TP53BP1: variants seen among roughly 807,000 people sequenced by gnomAD.
TP53BP1 encodes tumor protein p53 binding protein 1, also known as TP53-binding protein 1.
Under a neutral mutation model 200.8 loss-of-function variants are expected in TP53BP1, and 61 were observed. The observed-to-expected ratio is 0.30, with a 90% CI of 0.25 to 0.38. The LOEUF (loss-of-function observed/expected upper bound fraction) is 0.38. Among genes scored for constraint, TP53BP1 ranks in the 10% least tolerant of loss-of-function variants. The pLI is 1.00. For synonymous variants in TP53BP1, 822 were observed against 844.3 expected, an observed-to-expected ratio of 0.97 and a Z score of 0.46; for missense variants, 2,144 against 2,371.9, an observed-to-expected ratio of 0.90 and a Z score of 2.00.
chr15:43,468,201 A>C (rs2046636187), intron 11 of TP53BP1, among the ~76,000 whole-genome samples: 2 of 151,974 alleles, frequency 1.3e-5, no homozygotes, highest in Non-Finnish European at 2.9e-5. Flanking sequence ...CTGAGATTAC[A>C]GGCATGCCCC....
Position 43,405,299 on chromosome 15 carries a change from CAAAT to C in TP53BP1, c.*2080_*2083del, listed in dbSNP as rs529662813. 5.1e-5 allele frequency: 75 copies of C among 1,478,352 alleles called. No homozygotes were observed. The East Asian group carries it at 1.1e-3, about 22-fold the overall frequency. 91.6% of individuals were successfully genotyped at this position (1,478,352 alleles called of 1,614,324 possible). ...CAAAACATCCCATTCTAGCCACACA[CAAAT>C]AAATATCTGCGGCTTAGTGATAGGA... is the stretch of plus-strand genomic sequence containing the variant. On this transcript the variant is annotated 3_prime_UTR_variant, in exon 28 of 28. Coordinates refer to ENST00000382044, the MANE Select transcript of TP53BP1 (RefSeq NM_001141980.3).
rs180690920 is a variant in TP53BP1 at position 43,483,395 on chromosome 15, C to T, written c.372-2373G>A. 1.2e-4 allele frequency among the ~76,000 whole-genome samples: 19 copies of T among 152,198 alleles called. No homozygotes were observed. In the East Asian group the frequency reaches 3.7e-3, roughly 29 times the overall value. ...TTCATGTTTTTAAGCAAAACATCAG[C>T]AAACATACACTTTTACTTTCCACAT... On this transcript the variant is annotated intron_variant, in intron 4 of 27. Transcript: ENST00000382044.
At chr15:43,458,429 C>T (rs1053554706) in intron 11 of TP53BP1, among the ~76,000 whole-genome samples, 2 of 150,440 alleles carry the variant, frequency 1.3e-5, no homozygotes, top group African/African-American at 2.4e-5. Flanking sequence ...ACAAGTGAGA[C>T]TATATCTCAA....
chr15:43,448,790 C>G (rs2046100401), intron 12 of TP53BP1, among the ~76,000 whole-genome samples: 1 of 152,190 alleles, frequency 6.6e-6, no homozygotes, highest in South Asian at 2.1e-4. Flanking sequence ...AAGAAATGGT[C>G]TTTAGAAATA....
chr15:43,509,412 TTTTTG>T (rs1308446895), intron 1 of TP53BP1, among the ~76,000 whole-genome samples: 1 of 152,062 alleles, frequency 6.6e-6, no homozygotes, highest in African/African-American at 2.4e-5. Flanking sequence ...GCTGTAAAGT[TTTTTG>T]TTTTGTTTTG....
At chr15:43,476,202 T>C (rs1323668956) in intron 8 of TP53BP1, among the ~76,000 whole-genome samples, 4 of 151,960 alleles carry the variant, frequency 2.6e-5, no homozygotes, top group African/African-American at 7.3e-5. Context: ...TAGGCAGAGG[T>C]TGCAGTGAGC....
At chr15:43,503,264 G>A (rs1017828898) in intron 1 of TP53BP1, among the ~76,000 whole-genome samples, 1 of 152,140 alleles carries the variant, frequency 6.6e-6, no homozygotes, top group Non-Finnish European at 1.5e-5. Context: ...CCCAGCCCTG[G>A]GCAATCATTT....
At chr15:43,411,567 G>A (rs1043941154) in intron 24 of TP53BP1, among the ~76,000 whole-genome samples, 11 of 152,142 alleles carry the variant, frequency 7.2e-5, no homozygotes, top group Non-Finnish European at 1.3e-4. Flanking sequence ...GATGTCTTCC[G>A]CCTTCTTGAG....
At chr15:43,493,836 G>A (rs780305871), upstream of TP53BP1, among the ~76,000 whole-genome samples, 36 of 152,116 alleles carry the variant, frequency 2.4e-4, no homozygotes, top group Non-Finnish European at 4.1e-4. Flanking sequence ...TTATGGGATT[G>A]CCTGCAGAGA....
chr15:43,479,426 A>G lies in TP53BP1; in HGVS notation c.759T>C (p.Val253=). 6.2e-7 allele frequency: 1 copy of G among 1,607,866 alleles called. No individual in the cohort carries two copies. The highest frequency in any genetic ancestry group is 1.3e-5 in the African/African-American group (1 of 74,740). ...VTAQPSKDVH[V]VKEQNPPPAR... ...CAGGTGGTGGATTTTGCTCTTTTAC[A>G]ACATGTACATCCTTACTGGGCTGTG... is the stretch of plus-strand genomic sequence containing the variant. The change falls in exon 7 of 28, where the codon GTT becomes GTC. Residue 253 remains valine (V), a synonymous_variant. Transcript: ENST00000382044.
At chr15:43,461,456 A>T (rs1345311664) in intron 11 of TP53BP1, among the ~76,000 whole-genome samples, 3 of 152,090 alleles carry the variant, frequency 2.0e-5, no homozygotes, top group Non-Finnish European at 4.4e-5. Context: ...AGGTTCAAGC[A>T]ATCTGCCCAC....
At chr15:43,465,799 TTTGTTG>T (rs142110979) in intron 11 of TP53BP1, among the ~76,000 whole-genome samples, 41,821 of 150,726 alleles carry the variant, frequency 0.28, 9,842 homozygotes, top group African/African-American at 0.65. Context: ...TGTTTTGTTT[TTTGTTG>T]TTGTTGTTGT....
At chr15:43,413,460 T>C in intron 23 of TP53BP1, 126 bp from the exon 24 acceptor site, 1 of 729,526 alleles carries the variant, frequency 1.4e-6, no homozygotes. Context: ...TGAACTTATC[T>C]GAGCCAGAAA....
Position 43,422,133 on chromosome 15 carries a change from G to A in TP53BP1, c.3829-7C>T. Reference sequence around the variant, plus strand: ...CAATTGGCTCTTCAGTCTCCTGCAAGGAAAAAATAGATACAGAAGATAAAA... The same window carrying A: ...CAATTGGCTCTTCAGTCTCCTGCAAAGAAAAAATAGATACAGAAGATAAAA... On this transcript the variant is annotated splice_polypyrimidine_tract_variant and splice_region_variant and intron_variant, in intron 18 of 27. Coordinates refer to ENST00000382044, the MANE Select transcript of TP53BP1 (RefSeq NM_001141980.3). 6.2e-7 allele frequency: 1 copy of A among 1,606,728 alleles called. No individual in the cohort carries two copies. Among genetic ancestry groups the A allele is most frequent in the Non-Finnish European group, 8.5e-7 (1 of 1,177,614 alleles).
At position 43,446,392 on chromosome 15, in the gene TP53BP1, A is replaced by G; in HGVS notation, c.3035T>C (p.Leu1012Pro). 6.2e-7 allele frequency: 1 copy of G among 1,613,782 alleles called. No individual in the cohort carries two copies. The highest frequency in any genetic ancestry group is 1.7e-5 in the Admixed American group (1 of 60,012). ...EASEESLQFNLEKPATGERKN... is the reference protein window; with the variant it reads ...EASEESLQFNPEKPATGERKN... ...AAGATTAACATAAAACTTACTTTCC[A>G]GGTTGAACTGCAAAGACTCTTCACT... The change falls in exon 14 of 28, where the codon CTG becomes CCG. Residue 1012 changes from leucine to proline, a missense_variant. Transcript: ENST00000382044.
At chr15:43,480,154 A>G (rs2078942151) in intron 5 of TP53BP1, 137 bp from the exon 6 acceptor site, 5 of 764,082 alleles carry the variant, frequency 6.5e-6, no homozygotes, top group African/African-American at 5.3e-5. Flanking sequence ...TTTCAAAAAT[A>G]AAAAATAAAT....
At chr15:43,466,396 A>C (rs1306975695) in intron 11 of TP53BP1, among the ~76,000 whole-genome samples, 1 of 152,236 alleles carries the variant, frequency 6.6e-6, no homozygotes, top group African/African-American at 2.4e-5. Flanking sequence ...AAACTAAACA[A>C]ATAAAAAAAG....
intron 10 of TP53BP1, among the ~76,000 whole-genome samples, chr15:43,472,785 T>A (rs2046758683): frequency 6.6e-6 from 1 of 152,194 alleles, no homozygotes; most frequent in African/African-American, 2.4e-5. Context: ...AGAGCCTTTT[T>A]AAAAATTGAG....
At chr15:43,455,420 A>T (rs1319768431) in intron 12 of TP53BP1, among the ~76,000 whole-genome samples, 1 of 152,162 alleles carries the variant, frequency 6.6e-6, no homozygotes, top group East Asian at 1.9e-4. Context: ...AATTATAGCT[A>T]TTAAAAAAAT....
Sources: gnomAD v4.1 joint callset for allele counts (sites outside exome capture counted in the v4.1 genomes callset) on GRCh38, gnomAD v4.1.1 for gene constraint, MANE v1.5 for transcripts, NCBI Gene and HGNC (gene_info 2026-07-23, HGNC 2026-07-21) for gene names.